KAZN: variants seen among roughly 807,000 people sequenced by gnomAD.
The protein encoded by KAZN is kazrin, periplakin interacting protein.
In KAZN, 40 loss-of-function variants were observed where a neutral mutation model predicts 87.4. The ratio of observed to expected loss-of-function variants is 0.46; its 90% CI spans 0.36 to 0.60. The LOEUF (loss-of-function observed/expected upper bound fraction) is 0.60. Ranked by LOEUF, KAZN falls within the 20% of genes least tolerant of loss-of-function variation. The pLI, the probability that KAZN is intolerant of heterozygous loss-of-function variation, is 0.00. For missense variants in KAZN, 898 were observed against 1,073.9 expected (o/e 0.84, Z 2.29); for synonymous variants, 466 against 458.3 (o/e 1.02, Z -0.22).
At position 14,279,505 on chromosome 1, in the gene KAZN, A is replaced by G. The variant is rs561079617; in HGVS notation, c.249+98913A>G. ...GATGAAAGGGACTTGAAATCTGTTA[A>G]GCAGACATCTCTTGTTAGTGCAGTA... On this transcript the variant is annotated intron_variant, in intron 2 of 16. Transcript: ENST00000636203. Among the ~76,000 whole-genome samples the G allele has an allele frequency of 3.3e-5, 5 of 152,348 alleles. No individual in the cohort carries two copies. The East Asian group carries it at 9.6e-4, about 29-fold the overall frequency.
At chr1:14,835,608 C>T (rs919875440) in intron 1 of KAZN, among the ~76,000 whole-genome samples, 2 of 152,104 alleles carry the variant, frequency 1.3e-5, no homozygotes, top group Admixed American at 6.6e-5. Flanking sequence ...CAAATTGCAC[C>T]GTAATAGAAG....
At position 15,021,792 on chromosome 1, in the gene KAZN, C is replaced by A. The variant is rs1282419244; in HGVS notation, c.419-12957C>A. On this transcript the variant is annotated intron_variant, in intron 2 of 14. Coordinates refer to ENST00000376030, the MANE Select transcript of KAZN (RefSeq NM_201628.3). The surrounding 1 kb of genome is among the most constrained non-coding windows in gnomAD (Gnocchi z 4.2). ...CCGGCCTAGCTGTTTCCAGCCCTTTCTCATTGGAAGCCCTGGCTCCTGGCA... is the reference window on the plus strand; with the variant it reads ...CCGGCCTAGCTGTTTCCAGCCCTTTATCATTGGAAGCCCTGGCTCCTGGCA... 6.6e-6 allele frequency among the ~76,000 whole-genome samples: 1 copy of A among 152,198 alleles called. No individual in the cohort carries two copies. The highest frequency in any genetic ancestry group is 1.9e-4 in the East Asian group (1 of 5,182).
intron 1 of KAZN, among the ~76,000 whole-genome samples, chr1:14,696,558 A>G (rs1026000096): frequency 6.6e-6 from 1 of 152,224 alleles, no homozygotes; most frequent in Non-Finnish European, 1.5e-5. Flanking sequence ...GCAACATTGC[A>G]TGTTTCCTGC....
In KAZN at chr1:14,652,980, T is replaced by C. The variant is rs74985818; in HGVS notation, c.226+53757T>C. Among the ~76,000 whole-genome samples the C allele has an allele frequency of 3.8e-3, 575 of 152,148 alleles. 5 individuals carry two copies. Among genetic ancestry groups the C allele is most frequent in the Non-Finnish European group, 6.8e-3 (461 of 68,020 alleles). On this transcript the variant is annotated intron_variant, in intron 1 of 14. Transcript: ENST00000376030. ...GTGCCCAAGAAAGCTGGCCTAAATG[T>C]AATATGTCAAGCTGGAGAAATTCTG...
chr1:15,106,059 T>C (rs1641284689), intron 13 of KAZN, among the ~76,000 whole-genome samples: 1 of 152,094 alleles, frequency 6.6e-6, no homozygotes, highest in Non-Finnish European at 1.5e-5. Context: ...GCAGGAGGAT[T>C]GCTTGAGTCC....
chr1:14,872,772 A>G (rs1315277824), intron 1 of KAZN, among the ~76,000 whole-genome samples: 4 of 152,186 alleles, frequency 2.6e-5, no homozygotes, highest in East Asian at 1.9e-4. Context: ...GGACAAGTGG[A>G]CAGATGAATG....
intron 1 of KAZN, among the ~76,000 whole-genome samples, chr1:14,072,051 G>A (rs1051082246): frequency 9.9e-5 from 15 of 152,172 alleles, no homozygotes; most frequent in African/African-American, 3.6e-4. Context: ...ATCCCAGCAA[G>A]TTCTAACTTT....
At chr1:14,853,149 C>T (rs1649660542) in intron 1 of KAZN, among the ~76,000 whole-genome samples, 1 of 152,170 alleles carries the variant, frequency 6.6e-6, no homozygotes, top group African/African-American at 2.4e-5. Context: ...TGCCTAGGCC[C>T]TGAGGATTCC....
At chr1:14,335,604 C>G (rs147756317) in intron 2 of KAZN, among the ~76,000 whole-genome samples, 3 of 152,270 alleles carry the variant, frequency 2.0e-5, no homozygotes, top group African/African-American at 7.2e-5. Context: ...GAGGTCCTCA[C>G]AGAAGCCAAG....
At position 15,034,781 on chromosome 1, in the gene KAZN, G is replaced by A. The variant is rs200626631; in HGVS notation, c.451G>A (p.Glu151Lys). 4.3e-6 allele frequency: 7 copies of A among 1,614,138 alleles called. No individual in the cohort carries two copies. Among genetic ancestry groups the A allele is most frequent in the East Asian group, 2.2e-5 (1 of 44,882 alleles). ...MKADRKRLKG[E>K]KTDLVSQMQQ... ...AGCTGATCGGAAGCGCTTAAAGGGC[G>A]AGAAGACAGACCTGGTGAGCCAGAT... is the stretch of plus-strand genomic sequence containing the variant. The change falls in exon 3 of 15, where the codon GAG (glutamate) becomes AAG (lysine). Residue 151 changes from glutamate (E) to lysine (K), a missense_variant. Transcript: ENST00000376030.
chr1:15,075,840 G>T (rs905080550), intron 8 of KAZN, among the ~76,000 whole-genome samples: 2 of 152,214 alleles, frequency 1.3e-5, no homozygotes, highest in Admixed American at 1.3e-4. Context: ...AGACAGAGGG[G>T]CTGAGTCTGT....
At chr1:14,004,187 C>A (rs1639938027) in intron 1 of KAZN, among the ~76,000 whole-genome samples, 1 of 151,512 alleles carries the variant, frequency 6.6e-6, no homozygotes, top group South Asian at 2.1e-4. Context: ...TATGCCCACA[C>A]CCAATGGCTA....
chr1:14,889,839 T>C (rs1654506980), intron 1 of KAZN, among the ~76,000 whole-genome samples: 2 of 152,262 alleles, frequency 1.3e-5, no homozygotes, highest in Admixed American at 6.5e-5. Context: ...TTATGAGCAG[T>C]TGGGACAGAG....
intron 1 of KAZN, among the ~76,000 whole-genome samples, chr1:14,166,509 C>G (rs868570158): frequency 6.6e-6 from 1 of 152,126 alleles, no homozygotes; most frequent in African/African-American, 2.4e-5. Flanking sequence ...GACCGTTTTA[C>G]AAGGACCATT....
intron 10 of KAZN, among the ~76,000 whole-genome samples, chr1:15,098,351 G>A (rs1347076362): frequency 6.6e-6 from 1 of 152,248 alleles, no homozygotes; most frequent in African/African-American, 2.4e-5. Flanking sequence ...GTATCGCCAA[G>A]CTGCGGCCCC....
intron 2 of KAZN, among the ~76,000 whole-genome samples, chr1:14,523,704 AC>A (rs1244126597): frequency 1.3e-5 from 2 of 152,154 alleles, no homozygotes; most frequent in Non-Finnish European, 2.9e-5. Flanking sequence ...CAGTGTTCCC[AC>A]GCAGGTGACA....
Position 14,960,783 on chromosome 1 carries a change from G to A in KAZN, c.326G>A (p.Gly109Asp), listed in dbSNP as rs148224340. The A allele has an allele frequency of 6.8e-6, 11 of 1,610,892 alleles. No individual in the cohort carries two copies. The South Asian group carries it at 1.2e-4, about 18-fold the overall frequency. Residue 109 changes from glycine to aspartate, a missense_variant, in exon 2 of 15, where the codon GGC becomes GAC. By Grantham distance (94) the Gly-to-Asp change is moderately conservative. Transcript: ENST00000376030. ...LAKDLEESQG[G>D]KSSEVLSATE... ...AAGGACCTGGAGGAGTCGCAGGGCG[G>A]CAAGTCCTCTGAGGTCCTCTCGGCC...
intron 1 of KAZN, among the ~76,000 whole-genome samples, chr1:14,155,613 C>T (rs1270128565): frequency 6.6e-6 from 1 of 151,900 alleles, no homozygotes; most frequent in East Asian, 1.9e-4. Context: ...CTTTAAGATG[C>T]ACTGTTAAGT....
At chr1:13,932,875 A>G (rs1177941137) in intron 1 of KAZN, among the ~76,000 whole-genome samples, 1 of 152,212 alleles carries the variant, frequency 6.6e-6, no homozygotes, top group Non-Finnish European at 1.5e-5. Context: ...TGAGTTATAA[A>G]TAAAAAGTTT....
Sources: gnomAD v4.1 joint callset for allele counts (sites outside exome capture counted in the v4.1 genomes callset) on GRCh38, gnomAD v4.1.1 for gene constraint, Gnocchi (gnomAD v3.1) non-coding constraint, MANE v1.5 for transcripts, NCBI Gene and HGNC (gene_info 2026-07-23, HGNC 2026-07-21) for gene names.